The following CCT5 variants were observed in gnomAD, a reference collection of about 807,000 sequenced individuals.
CCT5 encodes chaperonin containing TCP1 subunit 5.
CCT5 carries 6 observed loss-of-function variants against 55.0 expected under a neutral mutation model. The observed-to-expected ratio is 0.11, with a 90% CI of 0.06 to 0.22. The LOEUF (loss-of-function observed/expected upper bound fraction) is 0.22, where lower values mean the gene tolerates loss of function less well. CCT5 is among the 10% of genes least tolerant of loss of function. The pLI is 1.00. For synonymous variants in CCT5, 231 were observed against 243.7 expected (o/e 0.95, Z 0.49); for missense variants, 560 against 694.6 (o/e 0.81, Z 2.18).
At chr5:10,251,704 G>A (rs1745429083) in intron 1 of CCT5, among the ~76,000 whole-genome samples, 1 of 152,190 alleles carries the variant, frequency 6.6e-6, no homozygotes, top group Non-Finnish European at 1.5e-5. Flanking sequence ...ACTTAGAGGG[G>A]CTGCACAGTG....
chr5:10,261,392 T>A (rs1579455778), intron 7 of CCT5, among the ~76,000 whole-genome samples, 168 bp from the exon 8 acceptor site: 1 of 152,214 alleles, frequency 6.6e-6, no homozygotes, highest in African/African-American at 2.4e-5. Flanking sequence ...AGAGCCTTGT[T>A]ACCTAGCAAG....
upstream of CCT5, chr5:10,249,935 C>CAAAAAA (rs1247143264): frequency 6.6e-5 from 47 of 716,966 alleles, 3 homozygotes; most frequent in African/African-American, 3.4e-4. Context: ...AAAAAAAAAA[C>CAAAAAA]CGGAAATGGG....
intron 8 of CCT5, 121 bp downstream of exon 8, chr5:10,261,866 C>A: frequency 1.2e-6 from 1 of 820,558 alleles, no homozygotes. Flanking sequence ...GGTTCTCAAA[C>A]AATGACGTAT....
At chr5:10,255,929 C>T (rs1021257663) in intron 3 of CCT5, 26 bp from the exon 4 acceptor site, 5 of 1,608,802 alleles carry the variant, frequency 3.1e-6, no homozygotes, top group Non-Finnish European at 4.3e-6. Context: ...TTTGCCTGAA[C>T]TGATTGTCTG....
At position 10,254,204 on chromosome 5, in the gene CCT5, T is replaced by C. The variant is rs775126012; in HGVS notation, c.165T>C (p.Asn55=). ...CAATGAGAACATCACTTGGACCAAA[T>C]GGTAAGAGTCCACCATTCCGTGTTT... is the stretch of plus-strand genomic sequence containing the variant. ...ANTMRTSLGP[N]GLDKMMVDKD... The change falls in exon 2 of 11, where the codon AAT becomes AAC. Residue 55 remains asparagine, a splice_region_variant and synonymous_variant. Transcript: ENST00000280326. 2.5e-6 allele frequency: 4 copies of C among 1,585,362 alleles called. No homozygotes were observed. The highest frequency in any genetic ancestry group is 2.2e-5 in the East Asian group (1 of 44,748).
At chr5:10,259,072 T>C (rs962207657) in intron 6 of CCT5, among the ~76,000 whole-genome samples, 2 of 152,258 alleles carry the variant, frequency 1.3e-5, no homozygotes, top group South Asian at 2.1e-4. Context: ...GTACATATTA[T>C]ATTTGCCGTC....
chr5:10,263,698 G>GT (rs1278027541), intron 10 of CCT5, among the ~76,000 whole-genome samples: 1 of 152,200 alleles, frequency 6.6e-6, no homozygotes, highest in East Asian at 1.9e-4. Context: ...CCTGCACACT[G>GT]TGGAGTGTTT....
intron 1 of CCT5, chr5:10,251,010 GAGA>G (rs1745371277): frequency 3.0e-6 from 1 of 329,418 alleles, no homozygotes. Flanking sequence ...GGTGTGCAGT[GAGA>G]AGGACAGCTA....
chr5:10,262,738 C>G (rs561746073), intron 9 of CCT5, 120 bp downstream of exon 9: 1 of 1,077,704 alleles, frequency 9.3e-7, no homozygotes. Context: ...GTGTAGGTGA[C>G]AGGTGTTTTA....
At chr5:10,262,267 G>C (rs1303465965) in intron 8 of CCT5, 1 of 575,046 alleles carries the variant, frequency 1.7e-6, no homozygotes, top group South Asian at 1.9e-5. Flanking sequence ...TTGCTTGACC[G>C]TGTATCCTAG....
Position 10,254,713 on chromosome 5 carries a change from CTG to C in CCT5, c.208_209del (p.Val70AsnfsTer2). ...ATGGTGGATAAGGATGGAGATGTGA[CTG>C]TAACTAATGATGGGGCCACCATCTT... On this transcript the variant is annotated frameshift_variant, in exon 3 of 11. Transcript: ENST00000280326. LOFTEE classifies it high-confidence loss of function. 6.2e-7 allele frequency: 1 copy of C among 1,613,610 alleles called. No individual in the cohort carries two copies.
At chr5:10,262,362 A>T in intron 8 of CCT5, 119 bp from the exon 9 acceptor site, 1 of 1,054,664 alleles carries the variant, frequency 9.5e-7, no homozygotes, top group Non-Finnish European at 1.5e-6. Context: ...ATTATCCGAT[A>T]GTGGAGGCCA....
chr5:10,250,421 T>A lies in CCT5; in HGVS notation c.81T>A (p.Arg27=), dbSNP rs762942762. The change falls in exon 1 of 11, where the codon CGT becomes CGA. Residue 27 remains arginine, a synonymous_variant. Coordinates refer to ENST00000280326, the MANE Select transcript of CCT5 (RefSeq NM_012073.5). ...TCAAGGATCAGGACCGCAAGTCCCG[T>A]CTTATGGGACTTGAGGCCCTCAAGG... The part of the protein sequence containing the change: ...LIIKDQDRKS[R]LMGLEALKSH... The A allele has an allele frequency of 6.2e-7, 1 of 1,613,794 alleles. No homozygotes were observed. Among genetic ancestry groups the A allele is most frequent in the South Asian group, 1.1e-5 (1 of 91,068 alleles).
At chr5:10,256,832 A>G (rs1289501300) in intron 4 of CCT5, among the ~76,000 whole-genome samples, 1 of 152,158 alleles carries the variant, frequency 6.6e-6, no homozygotes, top group Admixed American at 6.5e-5. Flanking sequence ...CAAAATTATA[A>G]TTTAGTAAAG....
chr5:10,253,788 A>G (rs898375971), intron 1 of CCT5, among the ~76,000 whole-genome samples: 2 of 152,290 alleles, frequency 1.3e-5, no homozygotes, highest in South Asian at 4.1e-4. Flanking sequence ...CCAATTCCCC[A>G]TGGATGCTCA....
intron 3 of CCT5, among the ~76,000 whole-genome samples, chr5:10,255,579 G>T (rs1278219303): frequency 9.2e-6 from 1 of 108,986 alleles, no homozygotes; most frequent in Non-Finnish European, 2.1e-5. Context: ...GGAGGATGGG[G>T]GTGGGGGGAA....
Position 10,264,946 on chromosome 5 carries a change from G to T in CCT5, c.*163G>T. 1 of 869,580 alleles carries T rather than the reference G, an allele frequency of 1.1e-6. No individual in the cohort carries two copies. The highest frequency in any genetic ancestry group is 1.8e-6 in the Non-Finnish European group (1 of 564,374). 53.9% of individuals were successfully genotyped at this position (869,580 alleles called of 1,614,324 possible). A position where few individuals can be genotyped will look rare whatever the true frequency, so the allele number is the denominator to read the frequency against. ...ACCATAGTTTCACTTGTTCAAAGCT[G>T]TGTAATCGTGGGGGTACCATCTCAA... On this transcript the variant is annotated 3_prime_UTR_variant, in exon 11 of 11. Transcript: ENST00000280326.
intron 6 of CCT5, among the ~76,000 whole-genome samples, chr5:10,259,262 A>G (rs2445869): frequency 0.74 from 112,020 of 151,802 alleles, 43,521 homozygotes; most frequent in East Asian, 0.87. Flanking sequence ...TCTCTCTGAC[A>G]TAGCAACTCC....
rs1301163088 is a variant in CCT5, at chr5:10,266,073, A to G, written c.*1290A>G. ...TGTGGATTTAGGAATGTGTGCTAAT[A>G]GCAATCTTCCTAATTTTCATGTTTA... On this transcript the variant is annotated 3_prime_UTR_variant, in exon 11 of 11. Transcript: ENST00000280326. 6.6e-6 allele frequency: 1 copy of G among 152,204 alleles called. No individual in the cohort carries two copies. Among genetic ancestry groups the G allele is most frequent in the Non-Finnish European group, 1.5e-5 (1 of 68,046 alleles). The allele number at this position is 152,204 out of a possible 1,614,324, so 9.4% of individuals were successfully genotyped here.
Sources: allele counts gnomAD v4.1 joint callset (sites outside exome capture counted in the v4.1 genomes callset), GRCh38; gene constraint gnomAD v4.1.1; transcripts MANE v1.5; gene names NCBI Gene and HGNC (gene_info 2026-07-23, HGNC 2026-07-21).